The following DPP6 variants were observed in gnomAD, a reference collection of about 807,000 sequenced individuals.
The protein encoded by DPP6 is dipeptidyl peptidase like 6.
A neutral mutation model predicts 122.6 loss-of-function variants in DPP6; 69 were observed. The ratio of observed to expected loss-of-function variants is 0.56; its 90% CI spans 0.46 to 0.69. The LOEUF (loss-of-function observed/expected upper bound fraction) is 0.69. Among genes scored for constraint, DPP6 ranks in the 30% least tolerant of loss-of-function variants. DPP6 has a pLI of 0.00. For synonymous variants in DPP6, 418 were observed against 433.1 expected (o/e 0.97, Z 0.43); for missense variants, 928 against 1,116.9 (o/e 0.83, Z 2.41).
chr7:154,262,311 G>A (rs1240617541), intron 1 of DPP6, among the ~76,000 whole-genome samples: 1 of 152,076 alleles, frequency 6.6e-6, no homozygotes, highest in Non-Finnish European at 1.5e-5. Context: ...CTGCAAATCG[G>A]GCCTTTAAAG....
chr7:153,888,137 C>T (rs1220187217), intron 1 of DPP6, among the ~76,000 whole-genome samples: 1 of 152,156 alleles, frequency 6.6e-6, no homozygotes, highest in African/African-American at 2.4e-5. Flanking sequence ...GGCCCTGGCG[C>T]CCGCGCCGGC....
At chr7:154,109,622 A>G (rs1044438087) in intron 1 of DPP6, among the ~76,000 whole-genome samples, 2 of 152,210 alleles carry the variant, frequency 1.3e-5, no homozygotes, top group African/African-American at 2.4e-5. Flanking sequence ...TAAAAATAAT[A>G]ATAGTTTTTT....
chr7:153,920,758 A>C (rs1052020340), intron 1 of DPP6, among the ~76,000 whole-genome samples: 62 of 151,550 alleles, frequency 4.1e-4, no homozygotes, highest in Non-Finnish European at 1.8e-4. Flanking sequence ...ATGGGGTTTC[A>C]CCATGTTGGC....
intron 1 of DPP6, among the ~76,000 whole-genome samples, chr7:154,226,288 G>A (rs756025229): frequency 2.0e-5 from 3 of 150,804 alleles, no homozygotes; most frequent in Non-Finnish European, 4.4e-5. Flanking sequence ...GAAACCATTT[G>A]ATAGGTTCGA....
chr7:154,485,417 G>C (rs1013274887), intron 3 of DPP6, among the ~76,000 whole-genome samples: 2 of 152,190 alleles, frequency 1.3e-5, no homozygotes, highest in East Asian at 3.9e-4. Flanking sequence ...AGAGAAGAGA[G>C]CCTCAGTTGT....
intron 1 of DPP6, among the ~76,000 whole-genome samples, chr7:154,122,747 T>C (rs1168181596): frequency 2.6e-5 from 4 of 152,200 alleles, no homozygotes; most frequent in Non-Finnish European, 5.9e-5. Context: ...CTTTGAGCGC[T>C]GGTCATCAGA....
At chr7:154,487,457 C>G (rs1465823305) in intron 3 of DPP6, among the ~76,000 whole-genome samples, 1 of 152,206 alleles carries the variant, frequency 6.6e-6, no homozygotes, top group Non-Finnish European at 1.5e-5. Flanking sequence ...AGCTCAAAAT[C>G]AAAGCCTGGG....
intron 1 of DPP6, among the ~76,000 whole-genome samples, chr7:153,953,861 A>C (rs1370255200): frequency 6.6e-6 from 1 of 152,152 alleles, no homozygotes; most frequent in Non-Finnish European, 1.5e-5. Flanking sequence ...GAATTTGCTC[A>C]CCTCATGGTG....
In DPP6 at chr7:153,998,910, A is replaced by G. The variant is rs571504497; in HGVS notation, c.51+111176A>G. On this transcript the variant is annotated intron_variant, in intron 1 of 25. Coordinates refer to the DPP6 transcript ENST00000404039. ...GATAGAGAGTCAATTATGCCTTTGC[A>G]TTAACACACATCATCTTTTGTTCAT... 2.5e-4 allele frequency among the ~76,000 whole-genome samples: 38 copies of G among 152,382 alleles called. 1 individual carries two copies. In the South Asian group the frequency reaches 7.9e-3, roughly 32 times the overall value.
chr7:153,900,842 A>G (rs1799614561), intron 1 of DPP6, among the ~76,000 whole-genome samples: 2 of 152,202 alleles, frequency 1.3e-5, no homozygotes, highest in Non-Finnish European at 2.9e-5. Context: ...AAAGAGGTCT[A>G]CAAGCTGTGG....
At chr7:154,560,814 C>T (rs2130475319) in intron 4 of DPP6, among the ~76,000 whole-genome samples, 1 of 150,632 alleles carries the variant, frequency 6.6e-6, no homozygotes, top group South Asian at 2.1e-4. Flanking sequence ...ACCCAGGATG[C>T]AGAGGTTGCC....
chr7:154,707,412 A>G (rs1840894795), intron 7 of DPP6, among the ~76,000 whole-genome samples: 1 of 152,202 alleles, frequency 6.6e-6, no homozygotes, highest in South Asian at 2.1e-4. Flanking sequence ...GGCAAGAACC[A>G]ATGAAAGAAC....
At chr7:153,895,076 C>G (rs1353579662) in intron 1 of DPP6, among the ~76,000 whole-genome samples, 3 of 152,174 alleles carry the variant, frequency 2.0e-5, no homozygotes, top group African/African-American at 7.2e-5. Flanking sequence ...CAGTTATAGA[C>G]TGAATTTGGG....
chr7:154,053,512 C>T (rs1483715218), intron 1 of DPP6, among the ~76,000 whole-genome samples: 1 of 150,982 alleles, frequency 6.6e-6, no homozygotes, highest in Non-Finnish European at 1.5e-5. Flanking sequence ...TGGAATCTCT[C>T]CATCGTGCCC....
intron 1 of DPP6, among the ~76,000 whole-genome samples, chr7:153,994,840 C>A (rs1797351226): frequency 6.6e-6 from 1 of 152,140 alleles, no homozygotes; most frequent in Non-Finnish European, 1.5e-5. Context: ...AATGTCCCTA[C>A]AGATAAGTTT....
At chr7:154,329,930 A>G (rs755862443) in intron 1 of DPP6, among the ~76,000 whole-genome samples, 7 of 152,248 alleles carry the variant, frequency 4.6e-5, no homozygotes, top group Non-Finnish European at 7.3e-5. Context: ...ACACAGGAAC[A>G]GAAAACCAAA....
chr7:154,547,910 C>G (rs1829324637), intron 4 of DPP6, among the ~76,000 whole-genome samples: 1 of 152,128 alleles, frequency 6.6e-6, no homozygotes, highest in Non-Finnish European at 1.5e-5. Flanking sequence ...CATGATTTTA[C>G]TTTTTAAAGT....
intron 1 of DPP6, among the ~76,000 whole-genome samples, chr7:154,324,121 A>G (rs1808212377): frequency 6.6e-6 from 1 of 152,146 alleles, no homozygotes; most frequent in Admixed American, 6.6e-5. Context: ...AAAATAGAAT[A>G]TATATCTAAT....
At chr7:154,620,250 T>C (rs1834551590) in intron 5 of DPP6, among the ~76,000 whole-genome samples, 2 of 152,242 alleles carry the variant, frequency 1.3e-5, no homozygotes, top group South Asian at 4.1e-4. Flanking sequence ...AAAGATTCTT[T>C]CTTAAATGTT....
Sources: gnomAD v4.1 joint callset for allele counts (sites outside exome capture counted in the v4.1 genomes callset) on GRCh38, gnomAD v4.1.1 for gene constraint, MANE v1.5 for transcripts, NCBI Gene and HGNC (gene_info 2026-07-23, HGNC 2026-07-21) for gene names.